SRRM5: variants seen among roughly 807,000 people sequenced by gnomAD.
The protein encoded by SRRM5 is serine/arginine repetitive matrix protein 5.
In SRRM5, 1 loss-of-function variant was observed where a neutral mutation model predicts 1.3. The observed-to-expected ratio is 0.76, with a 90% CI of 0.27 to 3.59. SRRM5 has a LOEUF of 3.59. SRRM5 is among the 30% of genes most tolerant of loss of function. The probability of loss-of-function intolerance (pLI) is 0.19; values close to 1 mark genes in which losing one functional copy is unlikely to be tolerated. For synonymous variants in SRRM5, 275 were observed against 320.2 expected (o/e 0.86, Z 1.51); for missense variants, 875 against 914.5 (o/e 0.96, Z 0.56).
Position 43,614,306 on chromosome 19 carries a change from A to G in SRRM5, c.*37A>G, listed in dbSNP as rs1334315086. ...AGCTGGCTCACGGGTCTCTGTCATG[A>G]CCGGGGGAGGGGACAGGAGACAGGA... On this transcript the variant is annotated 3_prime_UTR_variant, in exon 1 of 1. Transcript: ENST00000417606. The G allele has an allele frequency of 1.2e-6, 2 of 1,603,078 alleles. No homozygotes were observed. Among genetic ancestry groups the G allele is most frequent in the South Asian group, 1.1e-5 (1 of 89,368 alleles).
In SRRM5 at chr19:43,613,599, AAGAG is replaced by A. The variant is rs1297293934; in HGVS notation, c.1484_1487del (p.Arg495IlefsTer191). ...CACAGCCAACTTGGAAGCCCCAGCA[AAGAG>A]AGAGATCACAGACGATCTAGAAGCC... On this transcript the variant is annotated frameshift_variant, in exon 3 of 3. Transcript: ENST00000607544. LOFTEE classifies it low-confidence loss of function (END_TRUNC). 4 of 1,550,196 alleles carry A rather than the reference AAGAG, an allele frequency of 2.6e-6. No individual in the cohort carries two copies. In the African/African-American group the frequency reaches 4.1e-5, roughly 16 times the overall value.
Position 43,614,045 on chromosome 19 carries a change from A to G in SRRM5, c.1924A>G (p.Ser642Gly), listed in dbSNP as rs1447723693. The G allele has an allele frequency of 3.2e-6, 5 of 1,552,454 alleles. No homozygotes were observed. The highest frequency in any genetic ancestry group is 1.7e-4 in the Middle Eastern group (1 of 5,994). Residue 642 changes from serine to glycine, a missense_variant, in exon 1 of 1, where the codon AGT becomes GGT. Coordinates refer to ENST00000417606, the MANE Select transcript of SRRM5 (RefSeq NM_001145641.2). The stretch of plus-strand genomic sequence containing the variant: ...AACCTCTAGCAAGGAGAGCGACCCC[A>G]GTCAATCTACAGTCCCCAGAAGTCC... ...SRTSSKESDP[S>G]QSTVPRSPDW...
At position 43,614,023 on chromosome 19, in the gene SRRM5, C is replaced by T. The variant is rs1482799662; in HGVS notation, c.1902C>T (p.Thr634=). 1.3e-6 allele frequency: 2 copies of T among 1,551,796 alleles called. No homozygotes were observed. The highest frequency in any genetic ancestry group is 1.7e-6 in the Non-Finnish European group (2 of 1,146,986). ...SKEGNHSQSR[T]SSKESDPSQS... is the part of the protein sequence containing the mutation. ...AAGGAAATCATAGCCAATCTAGAAC[C>T]TCTAGCAAGGAGAGCGACCCCAGTC... Residue 634 remains threonine, a synonymous_variant, in exon 1 of 1, where the codon ACC becomes ACT. Coordinates refer to ENST00000417606, the MANE Select transcript of SRRM5 (RefSeq NM_001145641.2).
Position 43,612,403 on chromosome 19 carries a change from G to A in SRRM5, c.282G>A (p.Val94=), listed in dbSNP as rs1236800151. The A allele has an allele frequency of 1.9e-6, 3 of 1,551,476 alleles. No homozygotes were observed. Among genetic ancestry groups the A allele is most frequent in the Non-Finnish European group, 2.6e-6 (3 of 1,146,986 alleles). Residue 94 remains valine, a synonymous_variant, in exon 1 of 1, where the codon GTG becomes GTA. Coordinates refer to ENST00000417606, the MANE Select transcript of SRRM5 (RefSeq NM_001145641.2). This position sits in a 1 kb window ranked among gnomAD's most constrained non-coding sequence, Gnocchi z 4.2. ...VRSKARTPSR[V]STDTRTSKAS... is the part of the protein sequence containing the mutation. ...GCAAAGCAAGAACACCCAGCAGGGT[G>A]AGCACCGACACCAGGACCAGCAAAG...
In SRRM5 at chr19:43,612,948, G is replaced by A; in HGVS notation, c.827G>A (p.Ser276Asn). The change falls in exon 1 of 1, where the codon AGC (serine) becomes AAC (asparagine). Residue 276 changes from serine (S) to asparagine (N), a missense_variant. Transcript: ENST00000417606. The surrounding 1 kb of genome is among the most constrained non-coding windows in gnomAD (Gnocchi z 4.2). ...AGTTATAACCAGGCCAGCACCCGCA[G>A]CAGGCCGCAAAGTCACAGCCAATCT... Reference protein sequence around the residue: ...VKSYNQASTRSRPQSHSQSRS... With the variant: ...VKSYNQASTRNRPQSHSQSRS... 1 of 1,551,704 alleles carries A rather than the reference G, an allele frequency of 6.4e-7. No homozygotes were observed. The highest frequency in any genetic ancestry group is 1.2e-5 in the South Asian group (1 of 84,062).
In SRRM5 at chr19:43,614,201, G is replaced by A. The variant is rs2302421; in HGVS notation, c.2080G>A (p.Asp694Asn). The change falls in exon 1 of 1, where the codon GAC becomes AAC. Residue 694 changes from aspartate to asparagine, a missense_variant. Physicochemically the swap from Asp to Asn is conservative, Grantham distance 23. Transcript: ENST00000417606. ...CCTAAGCCAGGATGACAGTCAAGCC[G>A]ACGCCACCACCTCTAAGGCCACCTT... ...QTLSQDDSQA[D>N]ATTSKATLPG... is the part of the protein sequence containing the mutation. 246,514 of 1,613,972 alleles carry A rather than the reference G, an allele frequency of 0.15. 19,792 individuals are homozygous for A. Among genetic ancestry groups the A allele is most frequent in the East Asian group, 0.24 (10,831 of 44,864 alleles).
Position 43,613,378 on chromosome 19 carries a change from CT to C in SRRM5, c.1258del (p.Tyr420ThrfsTer267), listed in dbSNP as rs1973327087. The C allele has an allele frequency of 3.2e-6, 5 of 1,549,928 alleles. No individual in the cohort carries two copies. In the African/African-American group the frequency reaches 4.1e-5, roughly 13 times the overall value. On this transcript the variant is annotated frameshift_variant, in exon 3 of 3. Transcript: ENST00000607544. LOFTEE classifies it low-confidence loss of function (END_TRUNC). ...GAGATCGCAGCCGATCTAGAAGTCCCTACAAGGCGAGAGATCGCAGCCGATC... is the reference window on the plus strand; with the variant it reads ...GAGATCGCAGCCGATCTAGAAGTCCCACAAGGCGAGAGATCGCAGCCGATC...
Position 43,614,071 on chromosome 19 carries a change from C to G in SRRM5, c.1950C>G (p.Pro650=). Residue 650 remains proline, a synonymous_variant, in exon 1 of 1, where the codon CCC becomes CCG. Transcript: ENST00000417606. ...DPSQSTVPRS[P]DWKRSPTRTS... The stretch of plus-strand genomic sequence containing the variant: ...GTCAATCTACAGTCCCCAGAAGTCC[C>G]GACTGGAAGAGATCCCCTACTAGGA... 1 of 1,556,734 alleles carries G rather than the reference C, an allele frequency of 6.4e-7. No individual in the cohort carries two copies. Among genetic ancestry groups the G allele is most frequent in the Non-Finnish European group, 8.7e-7 (1 of 1,149,996 alleles).
Position 43,613,177 on chromosome 19 carries a change from T to A in SRRM5, c.1056T>A (p.Ser352Arg). The A allele has an allele frequency of 6.4e-7, 1 of 1,551,362 alleles. No homozygotes were observed. The highest frequency in any genetic ancestry group is 1.4e-5 in the African/African-American group (1 of 73,026). ...NQSRTPRRGR[S>R]HNWSRNPSKE... ...CTAGAACCCCCAGAAGAGGAAGAAG[T>A]CACAACTGGTCTAGAAACCCCAGCA... is the stretch of plus-strand genomic sequence containing the variant. The change falls in exon 1 of 1, where the codon AGT (serine) becomes AGA (arginine). Residue 352 changes from serine to arginine, a missense_variant. Physicochemically the swap from Ser to Arg is moderately radical, Grantham distance 110. Transcript: ENST00000417606.
rs139506139 is a variant in SRRM5 at position 43,613,652 on chromosome 19, C to T, written c.1531C>T (p.Gln511Ter). ...CCCCAGCAAGGAGAGACAGTGCAGA[C>T]AATCTAGAAGCTCCAGCAAAGAGAG... The change falls in exon 3 of 3, where the codon CAA (glutamine) becomes TAA (stop). Residue 511 changes from glutamine to a stop codon, truncating the protein, a stop_gained. Transcript: ENST00000607544. LOFTEE classifies it low-confidence loss of function (END_TRUNC). The T allele has an allele frequency of 1.7e-4, 265 of 1,548,686 alleles. No individual in the cohort carries two copies. In the East Asian group the frequency reaches 6.0e-3, roughly 35 times the overall value.
chr19:43,614,272 C>T lies in SRRM5; in HGVS notation c.*3C>T, dbSNP rs760259726. The T allele has an allele frequency of 2.5e-6, 4 of 1,613,260 alleles. No homozygotes were observed. Among genetic ancestry groups the T allele is most frequent in the Non-Finnish European group, 3.4e-6 (4 of 1,179,450 alleles). On this transcript the variant is annotated 3_prime_UTR_variant, in exon 1 of 1. Coordinates refer to ENST00000417606, the MANE Select transcript of SRRM5 (RefSeq NM_001145641.2). ...CATCTTCTTCCAAGCTGGCGTAGCCCCCAGTCTCAGCTGGCTCACGGGTCT... is the reference window on the plus strand; with the variant it reads ...CATCTTCTTCCAAGCTGGCGTAGCCTCCAGTCTCAGCTGGCTCACGGGTCT...
chr19:43,613,372 A>T lies in SRRM5; in HGVS notation c.1251A>T (p.Arg417Ser). Residue 417 changes from arginine (R) to serine (S), a missense_variant, in exon 1 of 1, where the codon AGA (arginine) becomes AGT (serine). By Grantham distance (110) the Arg-to-Ser change is moderately radical. Coordinates refer to ENST00000417606, the MANE Select transcript of SRRM5 (RefSeq NM_001145641.2). ...AGGCGAGAGATCGCAGCCGATCTAG[A>T]AGTCCCTACAAGGCGAGAGATCGCA... ...PNKARDRSRS[R>S]SPYKARDRSR... The T allele has an allele frequency of 6.5e-7, 1 of 1,549,992 alleles. No individual in the cohort carries two copies. The highest frequency in any genetic ancestry group is 1.2e-5 in the South Asian group (1 of 83,876).
chr19:43,612,480 G>A lies in SRRM5; in HGVS notation c.359G>A (p.Arg120Gln), dbSNP rs1039780867. 28 of 1,550,814 alleles carry A rather than the reference G, an allele frequency of 1.8e-5. No homozygotes were observed. The highest frequency in any genetic ancestry group is 4.1e-5 in the African/African-American group (3 of 73,096). ...RCHQRRGTHS[R>Q]GRTPGRRGSR... The stretch of plus-strand genomic sequence containing the variant: ...CACCAGCGGAGGGGCACACACAGCC[G>A]GGGTAGGACACCTGGCAGAAGGGGA... Residue 120 changes from arginine to glutamine, a missense_variant, in exon 1 of 1, where the codon CGG (arginine) becomes CAG (glutamine). Coordinates refer to ENST00000417606, the MANE Select transcript of SRRM5 (RefSeq NM_001145641.2). This position sits in a 1 kb window ranked among gnomAD's most constrained non-coding sequence, Gnocchi z 4.2.
Position 43,613,688 on chromosome 19 carries a change from C to G in SRRM5, c.1567C>G (p.Arg523Gly). 2 of 1,551,458 alleles carry G rather than the reference C, an allele frequency of 1.3e-6. No individual in the cohort carries two copies. The highest frequency in any genetic ancestry group is 1.7e-6 in the Non-Finnish European group (2 of 1,146,920). The stretch of plus-strand genomic sequence containing the variant: ...CTCCAGCAAAGAGAGAGATCACAGA[C>G]GATCTAGAAGCCCCAGCAAGGAGAG... ...RSSSKERDHR[R>G]SRSPSKERQR... Residue 523 changes from arginine to glycine, a missense_variant, in exon 1 of 1, where the codon CGA (arginine) becomes GGA (glycine). Arg to Gly is a moderately radical substitution (Grantham distance 125). Coordinates refer to ENST00000417606, the MANE Select transcript of SRRM5 (RefSeq NM_001145641.2).
chr19:43,614,494 C>G lies in SRRM5; in HGVS notation c.*225C>G. 7.1e-7 allele frequency: 1 copy of G among 1,401,622 alleles called. No homozygotes were observed. Among genetic ancestry groups the G allele is most frequent in the Non-Finnish European group, 9.3e-7 (1 of 1,075,616 alleles). The allele number at this position is 1,401,622 out of a possible 1,614,324, so 86.8% of individuals were successfully genotyped here. On this transcript the variant is annotated 3_prime_UTR_variant, in exon 1 of 1. Transcript: ENST00000417606. ...CAATAAATTTTTACATAGCACCCAT[C>G]CCCACCAAGCCCAACTGTGTGCTCA... is the stretch of plus-strand genomic sequence containing the variant.
Position 43,613,073 on chromosome 19 carries a change from A to G in SRRM5, c.952A>G (p.Thr318Ala). ...AAACCATAGCAGGGCAAGAAGTCGC[A>G]CCCGGAAGGGAATTCTGAGCCAGAT... ...KRNHSRARSR[T>A]RKGILSQMGR... is the part of the protein sequence containing the mutation. The change falls in exon 1 of 1, where the codon ACC (threonine) becomes GCC (alanine). Residue 318 changes from threonine (T) to alanine (A), a missense_variant. Physicochemically the swap from Thr to Ala is moderately conservative, Grantham distance 58 (BLOSUM62 0). Transcript: ENST00000417606. 3 of 1,551,590 alleles carry G rather than the reference A, an allele frequency of 1.9e-6. No individual in the cohort carries two copies. The highest frequency in any genetic ancestry group is 2.6e-6 in the Non-Finnish European group (3 of 1,146,970).
Position 43,613,416 on chromosome 19 carries a change from A to C in SRRM5, c.1295A>C (p.Asn432Thr), listed in dbSNP as rs1229666612. 6.5e-7 allele frequency: 1 copy of C among 1,526,996 alleles called. No individual in the cohort carries two copies. Among genetic ancestry groups the C allele is most frequent in the South Asian group, 1.2e-5 (1 of 82,844 alleles). 94.6% of individuals were successfully genotyped at this position (1,526,996 alleles called of 1,614,324 possible). A position where few individuals can be genotyped will look rare whatever the true frequency, so the allele number is the denominator to read the frequency against. Residue 432 changes from asparagine to threonine, a missense_variant, in exon 1 of 1, where the codon AAC (asparagine) becomes ACC (threonine). By Grantham distance (65) the Asn-to-Thr change is moderately conservative. Coordinates refer to ENST00000417606, the MANE Select transcript of SRRM5 (RefSeq NM_001145641.2). ...ARDRSRSRSPNKARDCSRSRS... is the reference protein window; with the variant it reads ...ARDRSRSRSPTKARDCSRSRS... Reference sequence around the variant, plus strand: ...GATCGCAGCCGATCTAGAAGTCCCAACAAGGCGAGAGATTGCAGCCGATCT... The same window carrying C: ...GATCGCAGCCGATCTAGAAGTCCCACCAAGGCGAGAGATTGCAGCCGATCT...
Position 43,613,422 on chromosome 19 carries a change from C to G in SRRM5, c.1301C>G (p.Ala434Gly), listed in dbSNP as rs1033262149. 2.0e-6 allele frequency: 3 copies of G among 1,523,192 alleles called. No homozygotes were observed. The African/African-American group carries it at 4.3e-5, about 22-fold the overall frequency. The allele number at this position is 1,523,192 out of a possible 1,614,324, so 94.4% of individuals were successfully genotyped here. A position where few individuals can be genotyped will look rare whatever the true frequency, so the allele number is the denominator to read the frequency against. ...DRSRSRSPNK[A>G]RDCSRSRSPY... is the part of the protein sequence containing the mutation. ...AGCCGATCTAGAAGTCCCAACAAGG[C>G]GAGAGATTGCAGCCGATCTAGAAGT... Residue 434 changes from alanine to glycine, a missense_variant, in exon 1 of 1, where the codon GCG becomes GGG. Physicochemically the swap from Ala to Gly is moderately conservative, Grantham distance 60 (BLOSUM62 0). Coordinates refer to ENST00000417606, the MANE Select transcript of SRRM5 (RefSeq NM_001145641.2).
At position 43,614,445 on chromosome 19, in the gene SRRM5, G is replaced by A; in HGVS notation, c.*176G>A. The stretch of plus-strand genomic sequence containing the variant: ...AGGTAGAGAGGGATGCTGGATAGGG[G>A]GAAAGGAAAGACCTGTGATGATTCA... On this transcript the variant is annotated 3_prime_UTR_variant, in exon 1 of 1. Transcript: ENST00000417606. The A allele has an allele frequency of 2.1e-6, 3 of 1,442,418 alleles. No homozygotes were observed. The highest frequency in any genetic ancestry group is 9.1e-7 in the Non-Finnish European group (1 of 1,102,366). 89.4% of individuals were successfully genotyped at this position (1,442,418 alleles called of 1,614,324 possible).
Sources: gnomAD v4.1 joint callset for allele counts on GRCh38, gnomAD v4.1.1 for gene constraint, Gnocchi (gnomAD v3.1) non-coding constraint, MANE v1.5 for transcripts, NCBI Gene and HGNC (gene_info 2026-07-23, HGNC 2026-07-21) for gene names.